ZNF407: variants seen among roughly 807,000 people sequenced by gnomAD.
The protein encoded by ZNF407 is zinc finger protein 407.
Under a neutral mutation model 131.2 loss-of-function variants are expected in ZNF407, and 17 were observed. The observed-to-expected ratio is 0.13, with a 90% CI of 0.09 to 0.19. The LOEUF (loss-of-function observed/expected upper bound fraction) is 0.19. Among genes scored for constraint, ZNF407 ranks in the 10% least tolerant of loss-of-function variants. The pLI is 1.00. For missense variants in ZNF407, 2,681 were observed against 2,830.6 expected, an observed-to-expected ratio of 0.95 and a Z score of 1.20; for synonymous variants, 1,156 against 1,062.0, an observed-to-expected ratio of 1.09 and a Z score of -1.72.
chr18:74,739,646 A>C (rs1257941814), intron 3 of ZNF407, among the ~76,000 whole-genome samples: 1 of 152,108 alleles, frequency 6.6e-6, no homozygotes, highest in Admixed American at 6.6e-5. Flanking sequence ...CAAACGTATA[A>C]CCTTACCTCC....
At chr18:74,802,284 A>G (rs1402960234) in intron 4 of ZNF407, among the ~76,000 whole-genome samples, 2 of 152,170 alleles carry the variant, frequency 1.3e-5, no homozygotes, top group Admixed American at 6.5e-5. Context: ...CTTTTAACCT[A>G]TTGTTTATGT....
rs755358208 is a variant in ZNF407 at position 74,631,443 on chromosome 18, G to A, written c.424G>A (p.Val142Ile). ...TTCTTGCAATTTTAGCACTATTGAT[G>A]TTGTTTCTCTGAAAACAGACACTGA... is the stretch of plus-strand genomic sequence containing the variant. The part of the protein sequence containing the change: ...SPSCNFSTID[V>I]VSLKTDTEKT... Residue 142 changes from valine (V) to isoleucine (I), a missense_variant, in exon 2 of 9, where the codon GTT becomes ATT. Around this residue, in one of 6 missense-constraint regions of ZNF407, gnomAD observed 1,789 missense variants for 1,748.7 expected, o/e 1.02. Transcript: ENST00000299687. 5.0e-6 allele frequency: 8 copies of A among 1,613,962 alleles called. No individual in the cohort carries two copies. In the Admixed American group the frequency reaches 1.2e-4, roughly 24 times the overall value.
At chr18:74,599,825 C>A (rs1243663016) in intron 1 of ZNF407, among the ~76,000 whole-genome samples, 1 of 152,164 alleles carries the variant, frequency 6.6e-6, no homozygotes, top group Non-Finnish European at 1.5e-5. Flanking sequence ...TGAGAAGAAG[C>A]CTAGTTTCTA....
intron 8 of ZNF407, among the ~76,000 whole-genome samples, chr18:74,934,552 T>TA (rs1972017836): frequency 6.6e-6 from 1 of 152,246 alleles, no homozygotes; most frequent in Admixed American, 6.5e-5. Flanking sequence ...CTCACGCCTA[T>TA]AATCCTAGCA....
chr18:74,780,047 A>G (rs1394175307), intron 3 of ZNF407, among the ~76,000 whole-genome samples: 56 of 151,728 alleles, frequency 3.7e-4, no homozygotes, highest in Admixed American at 3.7e-3. Context: ...AGCATTTAAT[A>G]TTATCACAGT....
intron 1 of ZNF407, among the ~76,000 whole-genome samples, chr18:74,618,159 T>C (rs1000142496): frequency 6.9e-6 from 1 of 145,572 alleles, no homozygotes; most frequent in Non-Finnish European, 1.5e-5. Flanking sequence ...TCAAGCTGGC[T>C]CCTGTGTCTT....
At position 74,763,184 on chromosome 18, in the gene ZNF407, T is replaced by C. The variant is rs915736723; in HGVS notation, c.4803-18244T>C. On this transcript the variant is annotated intron_variant, in intron 3 of 8. Coordinates refer to ENST00000299687, the MANE Select transcript of ZNF407 (RefSeq NM_017757.3). ...TGCATGTCCCTAATGATTTTGAGCA[T>C]CTTCTTAGGACCTTTTTTTTTTTTT... is the stretch of plus-strand genomic sequence containing the variant. 4.8e-4 allele frequency among the ~76,000 whole-genome samples: 71 copies of C among 148,202 alleles called. 1 individual carries two copies. Among genetic ancestry groups the C allele is most frequent in the African/African-American group, 1.7e-3 (67 of 39,448 alleles).
intron 7 of ZNF407, among the ~76,000 whole-genome samples, chr18:74,894,586 G>C (rs1346614289): frequency 6.6e-6 from 1 of 151,990 alleles, no homozygotes; most frequent in Non-Finnish European, 1.5e-5. Flanking sequence ...TTTCACTTCA[G>C]TGGCCTCAAC....
intron 8 of ZNF407, among the ~76,000 whole-genome samples, chr18:74,964,646 TTTTTTC>T (rs1972390100): frequency 6.6e-6 from 1 of 151,884 alleles, no homozygotes; most frequent in Admixed American, 6.6e-5. Context: ...AATTGTTGTC[TTTTTTC>T]TTTTTCATTT....
intron 4 of ZNF407, among the ~76,000 whole-genome samples, chr18:74,862,867 G>T (rs921043169): frequency 6.6e-6 from 1 of 150,812 alleles, no homozygotes; most frequent in Non-Finnish European, 1.5e-5. Flanking sequence ...TAATTAAAAT[G>T]TGTTAATATT....
At chr18:74,655,865 G>A (rs1985432740) in intron 3 of ZNF407, among the ~76,000 whole-genome samples, 1 of 152,038 alleles carries the variant, frequency 6.6e-6, no homozygotes, top group South Asian at 2.1e-4. Flanking sequence ...TGTGTGATAC[G>A]ATGAGACTGC....
At chr18:74,945,825 G>A (rs1038643501) in intron 8 of ZNF407, among the ~76,000 whole-genome samples, 1 of 152,068 alleles carries the variant, frequency 6.6e-6, no homozygotes, top group African/African-American at 2.4e-5. Flanking sequence ...CTTAAGGAAC[G>A]TTTCAAATGC....
chr18:74,647,023 A>G (rs1018542052), intron 3 of ZNF407, among the ~76,000 whole-genome samples: 6 of 152,380 alleles, frequency 3.9e-5, no homozygotes, highest in South Asian at 2.1e-4. Flanking sequence ...TTCTTGGTGT[A>G]GTAGTTGAAA....
chr18:74,885,195 G>T (rs1199412669), intron 6 of ZNF407, among the ~76,000 whole-genome samples: 1 of 151,942 alleles, frequency 6.6e-6, no homozygotes, highest in Non-Finnish European at 1.5e-5. Context: ...GTATAATGAT[G>T]GCACACAGAC....
At chr18:74,666,812 C>G (rs542043085) in intron 3 of ZNF407, among the ~76,000 whole-genome samples, 1 of 152,280 alleles carries the variant, frequency 6.6e-6, no homozygotes, top group African/African-American at 2.4e-5. Flanking sequence ...AATTACATAT[C>G]ATAAATCTGG....
At chr18:74,603,062 AC>A (rs1007253710) in intron 1 of ZNF407, among the ~76,000 whole-genome samples, 38 of 152,296 alleles carry the variant, frequency 2.5e-4, no homozygotes, top group African/African-American at 8.9e-4. Context: ...CAGGGGCCAA[AC>A]TGCGAAGGGT....
At position 75,027,205 on chromosome 18, in the gene ZNF407, T is replaced by A. The variant is rs577566532; in HGVS notation, c.5429-35945T>A. Among the ~76,000 whole-genome samples the A allele has an allele frequency of 2.9e-3, 447 of 152,136 alleles. 4 individuals carry two copies. Among genetic ancestry groups the A allele is most frequent in the African/African-American group, 9.5e-3 (394 of 41,508 alleles). The stretch of plus-strand genomic sequence containing the variant: ...ACTGAGCACGGAGACCTTTGCAGAG[T>A]GAGCTGTGCGGCACATTCAAGGCAA... On this transcript the variant is annotated intron_variant, in intron 8 of 8. Transcript: ENST00000299687.
intron 7 of ZNF407, among the ~76,000 whole-genome samples, chr18:74,903,400 A>G (rs947657050): frequency 6.6e-6 from 1 of 152,152 alleles, no homozygotes; most frequent in Non-Finnish European, 1.5e-5. Flanking sequence ...CCAAAGTTGT[A>G]TGTATTATTT....
chr18:74,966,489 T>G (rs771903602), intron 8 of ZNF407, among the ~76,000 whole-genome samples: 3 of 152,190 alleles, frequency 2.0e-5, no homozygotes, highest in Non-Finnish European at 2.9e-5. Flanking sequence ...TGTGGATTTG[T>G]TTCTGGGTTC....
Sources: allele counts gnomAD v4.1 joint callset (sites outside exome capture counted in the v4.1 genomes callset), GRCh38; gene constraint gnomAD v4.1.1; regional missense constraint gnomAD v4.1.1; transcripts MANE v1.5; gene names NCBI Gene and HGNC (gene_info 2026-07-23, HGNC 2026-07-21).